LINGO2: variants seen among roughly 807,000 people sequenced by gnomAD.
LINGO2 encodes leucine-rich repeat and immunoglobulin-like domain-containing nogo receptor-interacting protein 2.
A neutral mutation model predicts 30.6 loss-of-function variants in LINGO2; 14 were observed. The observed-to-expected ratio is 0.46, with a 90% CI of 0.30 to 0.72. LINGO2 has a LOEUF of 0.72. Ranked by LOEUF, LINGO2 falls within the 30% of genes least tolerant of loss-of-function variation. The pLI is 0.07. For missense variants in LINGO2, 729 were observed against 751.7 expected (o/e 0.97, Z 0.35); for synonymous variants, 317 against 288.5 (o/e 1.10, Z -1.00).
the LINGO2 span, among the ~76,000 whole-genome samples, chr9:29,211,189 G>T: frequency 2.0e-5 from 3 of 152,064 alleles, no homozygotes; most frequent in Non-Finnish European, 4.4e-5. Context: ...ACCACATATG[G>T]TATGCACAAA....
At position 28,075,723 on chromosome 9, in the gene LINGO2, CT is replaced by C. The variant is rs145310692; in HGVS notation, c.-86-63319del. ...CTAGTCTATGCACTGCCAGTTTATT[CT>C]TTTGCCTGTTTTTTTCTTTCAGGTT... On this transcript the variant is annotated intron_variant, in intron 4 of 5. Transcript: ENST00000379992. 7.5e-3 allele frequency among the ~76,000 whole-genome samples: 1,142 copies of C among 151,882 alleles called. 5 individuals are homozygous for C. The highest frequency in any genetic ancestry group is 0.01 in the Middle Eastern group (3 of 292).
At chr9:28,052,059 A>C (rs984484577) in intron 4 of LINGO2, among the ~76,000 whole-genome samples, 3 of 152,060 alleles carry the variant, frequency 2.0e-5, no homozygotes, top group African/African-American at 7.2e-5. Flanking sequence ...TATCACTTTG[A>C]TATGCTAAGG....
chr9:28,367,099 G>C (rs1389279985), intron 3 of LINGO2, among the ~76,000 whole-genome samples: 1 of 144,956 alleles, frequency 6.9e-6, no homozygotes, highest in African/African-American at 2.6e-5. Flanking sequence ...TATAATTTTG[G>C]TTAAATCAAA....
chr9:28,032,844 C>A (rs993668217), intron 4 of LINGO2, among the ~76,000 whole-genome samples: 6 of 152,190 alleles, frequency 3.9e-5, no homozygotes, highest in Non-Finnish European at 7.3e-5. Context: ...ATCAGGGAAA[C>A]ACTGTACAAC....
chr9:29,009,714 C>T, the LINGO2 span, among the ~76,000 whole-genome samples: 6 of 152,232 alleles, frequency 3.9e-5, no homozygotes, highest in East Asian at 7.7e-4. Flanking sequence ...AAAGAGCCTG[C>T]ATTGCCAAGA....
At chr9:28,681,285 G>A in the LINGO2 span, among the ~76,000 whole-genome samples, 1 of 152,016 alleles carries the variant, frequency 6.6e-6, no homozygotes, top group African/African-American at 2.4e-5. Context: ...GCACTAGAAA[G>A]TCTTTTCCTG....
intron 1 of LINGO2, among the ~76,000 whole-genome samples, chr9:28,590,329 T>C (rs1824812880): frequency 6.6e-6 from 1 of 151,986 alleles, no homozygotes; most frequent in African/African-American, 2.4e-5. Context: ...CTAAAGAGCT[T>C]CTGCACAGCA....
chr9:28,614,515 A>G (rs1826051012), intron 1 of LINGO2, among the ~76,000 whole-genome samples: 1 of 152,138 alleles, frequency 6.6e-6, no homozygotes, highest in Non-Finnish European at 1.5e-5. Flanking sequence ...AGGATGTCAT[A>G]GGTAAATAAA....
chr9:28,581,110 C>G (rs1824235933), intron 1 of LINGO2, among the ~76,000 whole-genome samples: 2 of 151,926 alleles, frequency 1.3e-5, no homozygotes, highest in African/African-American at 4.8e-5. Flanking sequence ...GGAAGAAATT[C>G]AGGCTGTTGA....
At chr9:28,226,626 GGAAA>G (rs1207819505) in intron 4 of LINGO2, among the ~76,000 whole-genome samples, 4 of 90,868 alleles carry the variant, frequency 4.4e-5, no homozygotes, top group South Asian at 4.4e-4. Context: ...AAGGAAAGAA[GGAAA>G]GAAGGAAAGA....
chr9:28,382,856 G>A (rs570286168), intron 2 of LINGO2, among the ~76,000 whole-genome samples: 1 of 152,146 alleles, frequency 6.6e-6, no homozygotes, highest in African/African-American at 2.4e-5. Flanking sequence ...AGGATTAAAT[G>A]AAATACTACC....
the LINGO2 span, among the ~76,000 whole-genome samples, chr9:28,917,164 G>A: frequency 6.6e-6 from 1 of 152,116 alleles, no homozygotes; most frequent in Non-Finnish European, 1.5e-5. Context: ...AAAATTGGAA[G>A]TTAATGAGTG....
the LINGO2 span, among the ~76,000 whole-genome samples, chr9:28,856,647 C>T: frequency 1.6e-4 from 24 of 152,028 alleles, no homozygotes; most frequent in African/African-American, 4.8e-4. Context: ...GACTAAAGCC[C>T]AGGGAAAGAC....
At chr9:27,985,091 T>C (rs1048772408) in intron 5 of LINGO2, among the ~76,000 whole-genome samples, 1 of 151,870 alleles carries the variant, frequency 6.6e-6, no homozygotes, top group Non-Finnish European at 1.5e-5. Flanking sequence ...TATAAATACA[T>C]GGAAATGAGA....
At chr9:29,008,023 C>G in the LINGO2 span, among the ~76,000 whole-genome samples, 1 of 152,062 alleles carries the variant, frequency 6.6e-6, no homozygotes, top group African/African-American at 2.4e-5. Context: ...GTGTGCTGCA[C>G]CCATTAACTT....
chr9:27,964,924 T>C (rs1285393336), intron 5 of LINGO2, among the ~76,000 whole-genome samples: 1 of 152,102 alleles, frequency 6.6e-6, no homozygotes, highest in Non-Finnish European at 1.5e-5. Flanking sequence ...TATATGTATG[T>C]TGCCTTCAAC....
At chr9:28,199,211 T>C (rs940073783) in intron 4 of LINGO2, among the ~76,000 whole-genome samples, 1 of 152,214 alleles carries the variant, frequency 6.6e-6, no homozygotes, top group African/African-American at 2.4e-5. Context: ...GCACATTGCC[T>C]GGTGCATAGT....
chr9:28,763,632 A>C, the LINGO2 span, among the ~76,000 whole-genome samples: 1 of 151,868 alleles, frequency 6.6e-6, no homozygotes, highest in Non-Finnish European at 1.5e-5. Flanking sequence ...GAACTAAAAA[A>C]AGAAAAAAAA....
intron 4 of LINGO2, among the ~76,000 whole-genome samples, chr9:28,018,218 T>G (rs1189048433): frequency 1.3e-5 from 2 of 152,050 alleles, no homozygotes; most frequent in African/African-American, 4.8e-5. Flanking sequence ...CAAGATCAAT[T>G]AAAGACTTAA....
Sources: gnomAD v4.1 joint callset for allele counts (sites outside exome capture counted in the v4.1 genomes callset) on GRCh38, gnomAD v4.1.1 for gene constraint, MANE v1.5 for transcripts, NCBI Gene and HGNC (gene_info 2026-07-23, HGNC 2026-07-21) for gene names.